C10orf88: variants seen among roughly 807,000 people sequenced by gnomAD.
C10orf88 encodes the protein chromosome 10 open reading frame 88, also known as ATPase PAAT.
Under a neutral mutation model 34.2 loss-of-function variants are expected in C10orf88, and 29 were observed. That is an observed-to-expected ratio of 0.85 (90% CI 0.63 to 1.16). C10orf88 has a LOEUF of 1.16. Ranked by LOEUF, C10orf88 falls within the 50% of genes most tolerant of loss-of-function variation. The pLI is 0.00. For missense variants in C10orf88, 507 were observed against 533.2 expected (o/e 0.95, Z 0.48); for synonymous variants, 194 against 197.4 (o/e 0.98, Z 0.15).
chr10:122,934,871 T>C (rs1213959859), intron 5 of C10orf88, among the ~76,000 whole-genome samples: 1 of 152,142 alleles, frequency 6.6e-6, no homozygotes, highest in Non-Finnish European at 1.5e-5. Flanking sequence ...TAGTGATATA[T>C]TGTGGTTTTA....
At position 122,953,018 on chromosome 10, in the gene C10orf88, A is replaced by G. The variant is rs769391946; in HGVS notation, c.179T>C (p.Ile60Thr). 2.5e-6 allele frequency: 4 copies of G among 1,612,980 alleles called. No homozygotes were observed. In the African/African-American group the frequency reaches 5.3e-5, roughly 22 times the overall value. ...APPAPGQDLV[I>T]LKRNHNNKDE... ...TTTGTTGTTGTGGTTTCTCTTCAAA[A>G]TCACCAGATCCTGACTGAGAAGAAA... is the stretch of plus-strand genomic sequence containing the variant. The change falls in exon 2 of 6, where the codon ATT becomes ACT. Residue 60 changes from isoleucine to threonine, a missense_variant. Ile to Thr is a moderately conservative substitution (Grantham distance 89, BLOSUM62 -1). Transcript: ENST00000481909.
At position 122,943,717 on chromosome 10, in the gene C10orf88, C is replaced by A. The variant is rs963584053; in HGVS notation, c.648+4932G>T. On this transcript the variant is annotated intron_variant, in intron 4 of 5. Coordinates refer to ENST00000481909, the MANE Select transcript of C10orf88 (RefSeq NM_024942.4). ...ACCCCATCAAAAAGTAGGCAAAGGA[C>A]ATGAACAGACACTTCTCAAAAGAAG... is the stretch of plus-strand genomic sequence containing the variant. 2.6e-5 allele frequency among the ~76,000 whole-genome samples: 4 copies of A among 151,932 alleles called. No individual in the cohort carries two copies. In the East Asian group the frequency reaches 7.7e-4, roughly 29 times the overall value.
Position 122,953,035 on chromosome 10 carries a change from GAGA to G in C10orf88, c.165-6_165-4del. ...TCTTCAAAATCACCAGATCCTGACT[GAGA>G]AGAAAATTGGTGAAAACATCACACA... On this transcript the variant is annotated splice_region_variant and splice_polypyrimidine_tract_variant and intron_variant, in intron 1 of 5. Coordinates refer to ENST00000481909, the MANE Select transcript of C10orf88 (RefSeq NM_024942.4). 1 of 1,604,126 alleles carries G rather than the reference GAGA, an allele frequency of 6.2e-7. No individual in the cohort carries two copies. The highest frequency in any genetic ancestry group is 8.5e-7 in the Non-Finnish European group (1 of 1,171,248).
intron 3 of C10orf88, among the ~76,000 whole-genome samples, chr10:122,950,155 C>G (rs1456468604): frequency 6.6e-6 from 1 of 152,178 alleles, no homozygotes; most frequent in Non-Finnish European, 1.5e-5. Context: ...TACTTAACAA[C>G]CTGTGTGACC....
chr10:122,932,437 CCATTT>C lies in C10orf88; in HGVS notation c.1323_1327del (p.Asn442ArgfsTer37). 9 of 1,610,320 alleles carry C rather than the reference CCATTT, an allele frequency of 5.6e-6. No homozygotes were observed. The highest frequency in any genetic ancestry group is 7.6e-6 in the Non-Finnish European group (9 of 1,177,122). The stretch of plus-strand genomic sequence containing the variant: ...GTTTATGTTGAGAGCTTATCTTTCT[CCATTT>C]GAAAGTCTTTCTCCAGAGTCATAAT... On this transcript the variant is annotated frameshift_variant, in exon 6 of 6. Transcript: ENST00000481909. LOFTEE classifies it high-confidence loss of function.
intron 2 of C10orf88, 94 bp downstream of exon 2, chr10:122,952,735 G>T: frequency 7.0e-7 from 1 of 1,435,204 alleles, no homozygotes; most frequent in Non-Finnish European, 9.7e-7. Context: ...ATAACATATG[G>T]TATCAATATC....
Position 122,952,789 on chromosome 10 carries a change from C to G in C10orf88, c.368+40G>C, listed in dbSNP as rs1409108302. The G allele has an allele frequency of 2.5e-6, 4 of 1,605,266 alleles. No homozygotes were observed. The African/African-American group carries it at 5.4e-5, about 22-fold the overall frequency. ...GCAAAAAGTGAGAAAAATCAAAACA[C>G]TACTTCAGAAGAACACTTTCCCGTG... On this transcript the variant is annotated intron_variant, in intron 2 of 5. Coordinates refer to ENST00000481909, the MANE Select transcript of C10orf88 (RefSeq NM_024942.4).
intron 1 of C10orf88, among the ~76,000 whole-genome samples, chr10:122,953,491 G>T (rs901741261): frequency 1.3e-5 from 2 of 152,188 alleles, no homozygotes; most frequent in Non-Finnish European, 2.9e-5. Flanking sequence ...TCACACATCA[G>T]GGCTTTCCCA....
chr10:122,941,584 C>T (rs555053812), intron 4 of C10orf88, among the ~76,000 whole-genome samples: 1 of 152,202 alleles, frequency 6.6e-6, no homozygotes, highest in Non-Finnish European at 1.5e-5. Context: ...CAGAAAGTTA[C>T]ACAGCTTATA....
chr10:122,933,144 T>C (rs1221590590), intron 5 of C10orf88, among the ~76,000 whole-genome samples: 1 of 151,986 alleles, frequency 6.6e-6, no homozygotes, highest in Non-Finnish European at 1.5e-5. Context: ...ACAAAATAAA[T>C]AAAAAGCACA....
At position 122,952,935 on chromosome 10, in the gene C10orf88, C is replaced by G. The variant is rs905738129; in HGVS notation, c.262G>C (p.Ala88Pro). The G allele has an allele frequency of 1.9e-6, 3 of 1,614,118 alleles. No individual in the cohort carries two copies. The highest frequency in any genetic ancestry group is 2.5e-6 in the Non-Finnish European group (3 of 1,180,002). The change falls in exon 2 of 6, where the codon GCT becomes CCT. Residue 88 changes from alanine to proline, a missense_variant. Ala to Pro is a conservative substitution (Grantham distance 27). Transcript: ENST00000481909. Reference protein sequence around the residue: ...RCGPDGGEEIASIGILSSARN... With the variant: ...RCGPDGGEEIPSIGILSSARN... Reference sequence around the variant, plus strand: ...GCTGAACTTAAAATGCCAATAGAAGCGATTTCTTCACCTCCATCAGGGCCA... The same window carrying G: ...GCTGAACTTAAAATGCCAATAGAAGGGATTTCTTCACCTCCATCAGGGCCA...
At position 122,954,103 on chromosome 10, in the gene C10orf88, C is replaced by A. The variant is rs751489489; in HGVS notation, c.76G>T (p.Ala26Ser). 2 of 1,583,416 alleles carry A rather than the reference C, an allele frequency of 1.3e-6. No individual in the cohort carries two copies. Among genetic ancestry groups the A allele is most frequent in the East Asian group, 2.4e-5 (1 of 41,954 alleles). Residue 26 changes from alanine (A) to serine (S), a missense_variant, in exon 1 of 6, where the codon GCC becomes TCC. Ala to Ser is a moderately conservative substitution (Grantham distance 99). Transcript: ENST00000481909. ...LASSWDVAGG[A>S]LTHSLLLTRA... ...GTGAGGAGGAGGCTGTGGGTCAGGGCCCCGCCTGCAACATCCCAAGAAGAG... is the reference window on the plus strand; with the variant it reads ...GTGAGGAGGAGGCTGTGGGTCAGGGACCCGCCTGCAACATCCCAAGAAGAG...
At position 122,942,046 on chromosome 10, in the gene C10orf88, T is replaced by C. The variant is rs576378644; in HGVS notation, c.649-3887A>G. Among the ~76,000 whole-genome samples the C allele has an allele frequency of 8.8e-4, 134 of 152,240 alleles. 1 individual carries two copies. The South Asian group carries it at 0.016, about 18-fold the overall frequency. ...TAAAATTCATGGCAAAGAAAAATTA[T>C]TTATAAATAAAACTATAAAAATTTA... On this transcript the variant is annotated intron_variant, in intron 4 of 5. Coordinates refer to ENST00000481909, the MANE Select transcript of C10orf88 (RefSeq NM_024942.4).
intron 5 of C10orf88, among the ~76,000 whole-genome samples, chr10:122,935,795 T>C (rs1848529307): frequency 6.6e-6 from 1 of 151,824 alleles, no homozygotes; most frequent in Admixed American, 6.6e-5. Context: ...TTTCTTTTCC[T>C]TTGTCAGTAT....
chr10:122,952,071 C>T, intron 2 of C10orf88, 45 bp from the exon 3 acceptor site: 1 of 918,622 alleles, frequency 1.1e-6, no homozygotes, highest in Non-Finnish European at 1.7e-6. Flanking sequence ...CATATATTGT[C>T]ACTTTTAATA....
chr10:122,954,002 C>T lies in C10orf88; in HGVS notation c.164+13G>A. On this transcript the variant is annotated intron_variant, in intron 1 of 5. Transcript: ENST00000481909. ...CCGAGCATAGCGACCCCGTCCCCGT[C>T]GGCCCGGCGCACCCTGGAGCAGGCG... The T allele has an allele frequency of 6.6e-7, 1 of 1,509,766 alleles. No homozygotes were observed. Among genetic ancestry groups the T allele is most frequent in the Non-Finnish European group, 8.8e-7 (1 of 1,133,862 alleles). 93.5% of individuals were successfully genotyped at this position (1,509,766 alleles called of 1,614,324 possible).
intron 4 of C10orf88, among the ~76,000 whole-genome samples, chr10:122,941,632 T>C (rs2133331710): frequency 6.6e-6 from 1 of 152,236 alleles, no homozygotes; most frequent in South Asian, 2.1e-4. Flanking sequence ...AGATGCCTAG[T>C]TTGTCATCAA....
At position 122,954,161 on chromosome 10, in the gene C10orf88, C is replaced by G. The variant is rs771059358; in HGVS notation, c.18G>C (p.Glu6Asp). 6.3e-7 allele frequency: 1 copy of G among 1,576,198 alleles called. No individual in the cohort carries two copies. The highest frequency in any genetic ancestry group is 2.4e-5 in the East Asian group (1 of 41,112). Reference sequence around the variant, plus strand: ...TGGGGCGGCGGGTGAGGCCCCCGTCCTCGGTCCGCGTCTCCATTCCGCCGC... The same window carrying G: ...TGGGGCGGCGGGTGAGGCCCCCGTCGTCGGTCCGCGTCTCCATTCCGCCGC... METRT[E>D]DGGLTRRPTL... The change falls in exon 1 of 6, where the codon GAG (glutamate) becomes GAC (aspartate). Residue 6 changes from glutamate (E) to aspartate (D), a missense_variant. By Grantham distance (45) the Glu-to-Asp change is conservative (BLOSUM62 2). Transcript: ENST00000481909.
chr10:122,952,022 G>A lies in C10orf88; in HGVS notation c.373C>T (p.His125Tyr). Residue 125 changes from histidine (H) to tyrosine (Y), a missense_variant, in exon 3 of 6, where the codon CAT (histidine) becomes TAT (tyrosine). Physicochemically the swap from His to Tyr is moderately conservative, Grantham distance 83 (BLOSUM62 2). Coordinates refer to ENST00000481909, the MANE Select transcript of C10orf88 (RefSeq NM_024942.4). ...TTTTTATACAAAATGATCTTTTCAT[G>A]TTCACTAAAAATAAAAAAGAATTAA... ...NVCTVLDDSE[H>Y]EKIILYKKNL... The A allele has an allele frequency of 7.0e-7, 1 of 1,434,238 alleles. No homozygotes were observed. The highest frequency in any genetic ancestry group is 9.7e-7 in the Non-Finnish European group (1 of 1,033,248). The allele number at this position is 1,434,238 out of a possible 1,614,324, so 88.8% of individuals were successfully genotyped here.
Sources: gnomAD v4.1 joint callset for allele counts (sites outside exome capture counted in the v4.1 genomes callset) on GRCh38, gnomAD v4.1.1 for gene constraint, MANE v1.5 for transcripts, NCBI Gene and HGNC (gene_info 2026-07-23, HGNC 2026-07-21) for gene names.